Variants in COL5A1 observed in about 807,000 individuals in gnomAD.
The protein encoded by COL5A1 is collagen type V alpha 1 chain, also known as collagen alpha-1(V) chain.
A neutral mutation model predicts 263.7 loss-of-function variants in COL5A1; 16 were observed. The ratio of observed to expected loss-of-function variants is 0.06; its 90% confidence interval spans 0.04 to 0.09. COL5A1 has a LOEUF of 0.09. Ranked by LOEUF, COL5A1 falls within the 10% of genes least tolerant of loss-of-function variation. COL5A1 has a pLI of 1.00. For missense variants in COL5A1, 2,036 were observed against 2,540.5 expected (o/e 0.80, Z 4.27); for synonymous variants, 1,012 against 1,004.5 (o/e 1.01, Z -0.14).
rs552473569 is a variant in COL5A1 at position 134,680,822 on chromosome 9, C to T, written c.110-10090C>T. On this transcript the variant is annotated intron_variant, in intron 1 of 65. Coordinates refer to ENST00000371817, the MANE Select transcript of COL5A1 (RefSeq NM_000093.5). This position sits in a 1 kb window ranked among gnomAD's most constrained non-coding sequence, Gnocchi z 5.9. Reference sequence around the variant, plus strand: ...TTTGACATCAGGCAGAGGAGTTGGACGTTGATGGGAGCTTTTAGGTGGGTG... The same window carrying T: ...TTTGACATCAGGCAGAGGAGTTGGATGTTGATGGGAGCTTTTAGGTGGGTG... 7.0e-4 allele frequency among the ~76,000 whole-genome samples: 106 copies of T among 152,250 alleles called. No individual in the cohort carries two copies. The highest frequency in any genetic ancestry group is 2.3e-3 in the African/African-American group (95 of 41,544).
chr9:134,813,894 C>T (rs1838636153), intron 48 of COL5A1, 89 bp from the exon 49 acceptor site: 1 of 1,435,870 alleles, frequency 7.0e-7, no homozygotes, highest in Non-Finnish European at 9.6e-7. Flanking sequence ...AGGCAGACAG[C>T]AGGCAGGATT....
rs1303820907 is a variant in COL5A1, at chr9:134,697,905, G to A, written c.278-2004G>A. On this transcript the variant is annotated intron_variant, in intron 2 of 65. Coordinates refer to ENST00000371817, the MANE Select transcript of COL5A1 (RefSeq NM_000093.5). ...TCGAGACCAGCCTGACCAACATGGT[G>A]AAACCCCGTCTCTACCAAAAATACA... 2.0e-5 allele frequency among the ~76,000 whole-genome samples: 3 copies of A among 152,272 alleles called. 1 individual carries two copies. The highest frequency in any genetic ancestry group is 7.2e-5 in the African/African-American group (3 of 41,552).
rs556167410 is a variant in COL5A1 at position 134,818,666 on chromosome 9, G to C, written c.4241G>C (p.Gly1414Ala). ...QGEKGAKGEA[G>A]LEGPPGKTGP... ...TCCGCCGTCCTGCAGGGAGAAGCCGGCTTGGAAGGCCCTCCTGGGAAGACT... is the reference window on the plus strand; with the variant it reads ...TCCGCCGTCCTGCAGGGAGAAGCCGCCTTGGAAGGCCCTCCTGGGAAGACT... Residue 1414 changes from glycine to alanine, a missense_variant, in exon 55 of 66, where the codon GGC becomes GCC. Physicochemically the swap from Gly to Ala is moderately conservative, Grantham distance 60. Around this residue, in one of 3 missense-constraint regions of COL5A1, gnomAD observed 1,078 missense variants for 1,521.4 expected, o/e 0.71. Transcript: ENST00000371817. The surrounding 1 kb of genome is among the most constrained non-coding windows in gnomAD (Gnocchi z 6.0). 38 of 1,608,750 alleles carry C rather than the reference G, an allele frequency of 2.4e-5. No homozygotes were observed. The East Asian group carries it at 7.8e-4, about 33-fold the overall frequency.
chr9:134,812,526 G>T, intron 47 of COL5A1, 24 bp downstream of exon 47: 1 of 1,613,904 alleles, frequency 6.2e-7, no homozygotes, highest in East Asian at 2.2e-5. Context: ...AGACTCCAAG[G>T]CCTTGCCGTA....
intron 64 of COL5A1, among the ~76,000 whole-genome samples, chr9:134,831,250 C>A (rs1018340112): frequency 1.3e-5 from 2 of 152,218 alleles, no homozygotes; most frequent in Non-Finnish European, 2.9e-5. Flanking sequence ...GCATTCACAG[C>A]TGATTATTCA....
At chr9:134,706,100 G>T (rs1203684670) in intron 4 of COL5A1, among the ~76,000 whole-genome samples, 1 of 152,192 alleles carries the variant, frequency 6.6e-6, no homozygotes, top group Non-Finnish European at 1.5e-5. Flanking sequence ...CTCCTAGGAT[G>T]GGGTGGGATG....
At chr9:134,797,897 A>T (rs1417780889) in intron 36 of COL5A1, among the ~76,000 whole-genome samples, 1 of 152,226 alleles carries the variant, frequency 6.6e-6, no homozygotes, top group African/African-American at 2.4e-5. Context: ...TTTCCAAGTG[A>T]GGTCACAGGC....
chr9:134,803,095 G>A (rs1328184452), intron 39 of COL5A1, 100 bp downstream of exon 39: 9 of 951,144 alleles, frequency 9.5e-6, no homozygotes, highest in Admixed American at 2.0e-5. Context: ...TGGGTAATTC[G>A]TCAAACAGAC....
At chr9:134,703,136 G>A (rs1010202055) in intron 4 of COL5A1, among the ~76,000 whole-genome samples, 9 of 152,218 alleles carry the variant, frequency 5.9e-5, no homozygotes, top group African/African-American at 2.2e-4. Flanking sequence ...TCTGCTGAAC[G>A]TGCAGTTGGC....
intron 39 of COL5A1, among the ~76,000 whole-genome samples, chr9:134,803,842 CA>C (rs1293535673): frequency 6.8e-6 from 1 of 146,328 alleles, no homozygotes; most frequent in East Asian, 2.1e-4. Context: ...GACTCCATCT[CA>C]AAAAAAAGAA....
intron 43 of COL5A1, among the ~76,000 whole-genome samples, chr9:134,809,824 T>C (rs916588383): frequency 1.2e-4 from 19 of 152,196 alleles, no homozygotes; most frequent in African/African-American, 4.6e-4. Flanking sequence ...TCTGGGGACA[T>C]TTCTGACTTT....
chr9:134,691,193 A>G, intron 2 of COL5A1, 114 bp downstream of exon 2: 1 of 1,371,796 alleles, frequency 7.3e-7, no homozygotes, highest in Admixed American at 1.8e-5. Flanking sequence ...CTTTCCAGGA[A>G]GCCCCTCTCA....
chr9:134,725,846 T>C (rs1834629054), intron 4 of COL5A1, among the ~76,000 whole-genome samples: 1 of 152,228 alleles, frequency 6.6e-6, no homozygotes, highest in African/African-American at 2.4e-5. Flanking sequence ...TGTTTATCCA[T>C]TTAGCTGTCG....
chr9:134,819,144 C>T, intron 57 of COL5A1, 91 bp downstream of exon 57: 1 of 1,354,322 alleles, frequency 7.4e-7, no homozygotes, highest in Admixed American at 1.7e-5. Context: ...CTTGATCCGT[C>T]ACCTAAATGT....
At position 134,732,099 on chromosome 9, in the gene COL5A1, A is replaced by G. The variant is rs1351933542; in HGVS notation, c.1361A>G (p.Gln454Arg). The change falls in exon 9 of 66, where the codon CAA (glutamine) becomes CGA (arginine). Residue 454 changes from glutamine to arginine, a missense_variant. By Grantham distance (43) the Gln-to-Arg change is conservative. Coordinates refer to ENST00000371817, the MANE Select transcript of COL5A1 (RefSeq NM_000093.5). Reference protein sequence around the residue: ...GIGGPRGEKGQKGEPAIIEPG... With the variant: ...GIGGPRGEKGRKGEPAIIEPG... ...GGAGGACCTCGGGGCGAGAAAGGCC[A>G]AAAGGGAGAACCAGCGATTATCGAG... 1.9e-6 allele frequency: 3 copies of G among 1,614,116 alleles called. No homozygotes were observed. Among genetic ancestry groups the G allele is most frequent in the Non-Finnish European group, 2.5e-6 (3 of 1,180,028 alleles).
intron 2 of COL5A1, 75 bp from the exon 3 acceptor site, chr9:134,699,834 G>T (rs1833605490): frequency 6.8e-7 from 1 of 1,460,282 alleles, no homozygotes; most frequent in Non-Finnish European, 9.6e-7. Context: ...GGGCTGGCTT[G>T]TTTGCAGAGA....
chr9:134,652,006 G>C lies in COL5A1; in HGVS notation c.109+9710G>C, dbSNP rs1831704710. Among the ~76,000 whole-genome samples, 1 of 152,174 alleles carries C rather than the reference G, an allele frequency of 6.6e-6. No individual in the cohort carries two copies. The highest frequency in any genetic ancestry group is 1.5e-5 in the Non-Finnish European group (1 of 68,038). On this transcript the variant is annotated intron_variant, in intron 1 of 65. Coordinates refer to ENST00000371817, the MANE Select transcript of COL5A1 (RefSeq NM_000093.5). The surrounding 1 kb of genome is among the most constrained non-coding windows in gnomAD (Gnocchi z 4.4). ...CGTTCCCCTTCCTTCTTTCTAAGGA[G>C]GGATGGTGACTCCCAGAGGTATTAA... is the stretch of plus-strand genomic sequence containing the variant.
intron 7 of COL5A1, 61 bp downstream of exon 7, chr9:134,730,536 GC>G: frequency 6.2e-7 from 1 of 1,606,960 alleles, no homozygotes; most frequent in Admixed American, 1.7e-5. Flanking sequence ...CAGGGCTGGG[GC>G]CACAATGCTG....
chr9:134,740,288 G>A (rs1464110646), intron 11 of COL5A1, among the ~76,000 whole-genome samples: 4 of 152,178 alleles, frequency 2.6e-5, no homozygotes, highest in Non-Finnish European at 4.4e-5. Flanking sequence ...AGCCAGGACC[G>A]GCATGGCTGG....
Sources: allele counts gnomAD v4.1 joint callset (sites outside exome capture counted in the v4.1 genomes callset), GRCh38; gene constraint gnomAD v4.1.1; regional missense constraint gnomAD v4.1.1; non-coding constraint Gnocchi (gnomAD v3.1); transcripts MANE v1.5; gene names NCBI Gene and HGNC (gene_info 2026-07-23, HGNC 2026-07-21).